Variants in ETV1 observed in about 807,000 individuals in gnomAD.
The protein encoded by ETV1 is ETS variant transcription factor 1.
ETV1 carries 27 observed loss-of-function variants against 62.3 expected under a neutral mutation model. The observed-to-expected ratio is 0.43, with a 90% CI of 0.32 to 0.60. The LOEUF (loss-of-function observed/expected upper bound fraction) is 0.60. Ranked by LOEUF, ETV1 falls within the 20% of genes least tolerant of loss-of-function variation. The pLI, the probability that ETV1 is intolerant of heterozygous loss-of-function variation, is 0.06. For synonymous variants in ETV1, 222 were observed against 199.6 expected, an observed-to-expected ratio of 1.11 and a Z score of -0.94; for missense variants, 605 against 605.8, an observed-to-expected ratio of 1.00 and a Z score of 0.01.
Position 13,910,225 on chromosome 7 carries a change from T to TC in ETV1, c.872-526dup, listed in dbSNP as rs968587561. Among the ~76,000 whole-genome samples the TC allele has an allele frequency of 5.8e-5, 7 of 120,598 alleles. No homozygotes were observed. In the South Asian group the frequency reaches 8.7e-4, roughly 15 times the overall value. 79.1% of individuals were successfully genotyped at this position (120,598 alleles called of 152,430 possible). A position where few individuals can be genotyped will look rare whatever the true frequency, so the allele number is the denominator to read the frequency against. On this transcript the variant is annotated intron_variant, in intron 10 of 13. Transcript: ENST00000430479. ...GCAAGATAAGAGGAAAAAAAAAGTT[T>TC]CCCTTTTTTTTTTTTTTTTTTTGCT... is the stretch of plus-strand genomic sequence containing the variant.
chr7:13,941,912 A>T (rs1787565632), intron 6 of ETV1, among the ~76,000 whole-genome samples: 1 of 150,418 alleles, frequency 6.6e-6, no homozygotes, highest in Non-Finnish European at 1.5e-5. Flanking sequence ...TAAATAAAGT[A>T]AGAAAATTGT....
At chr7:13,896,621 T>A (rs553237908) in intron 13 of ETV1, among the ~76,000 whole-genome samples, 1 of 150,132 alleles carries the variant, frequency 6.7e-6, no homozygotes, top group African/African-American at 2.5e-5. Flanking sequence ...ATGGATTCTT[T>A]ACTTTTTTTC....
At chr7:13,939,682 T>A (rs981415552) in intron 6 of ETV1, among the ~76,000 whole-genome samples, 1 of 152,194 alleles carries the variant, frequency 6.6e-6, no homozygotes, top group Non-Finnish European at 1.5e-5. Flanking sequence ...GCATCAATAA[T>A]AATAGTTTAA....
At chr7:13,963,327 C>T (rs889701430) in intron 6 of ETV1, among the ~76,000 whole-genome samples, 1 of 151,926 alleles carries the variant, frequency 6.6e-6, no homozygotes, top group Non-Finnish European at 1.5e-5. Flanking sequence ...ATTTAACCAA[C>T]AGGACAAGCT....
intron 12 of ETV1, among the ~76,000 whole-genome samples, chr7:13,901,604 T>C (rs149264693): frequency 2.8e-4 from 42 of 152,316 alleles, no homozygotes; most frequent in African/African-American, 8.9e-4. Flanking sequence ...CCCTGCTCAA[T>C]ACTATATGAA....
intron 6 of ETV1, among the ~76,000 whole-genome samples, chr7:13,970,425 T>C (rs1478966101): frequency 6.6e-6 from 1 of 152,100 alleles, no homozygotes; most frequent in African/African-American, 2.4e-5. Context: ...CGAGAAGGTA[T>C]GCAACTAGTC....
intron 6 of ETV1, among the ~76,000 whole-genome samples, chr7:13,965,086 G>A (rs1358798230): frequency 2.0e-5 from 3 of 152,018 alleles, no homozygotes; most frequent in African/African-American, 4.8e-5. Context: ...ATTCCCAAAC[G>A]GCTGTTCTCC....
At chr7:13,955,830 C>G (rs1438104917) in intron 6 of ETV1, among the ~76,000 whole-genome samples, 16 of 151,230 alleles carry the variant, frequency 1.1e-4, no homozygotes, top group Admixed American at 1.0e-3. Context: ...TTTCTTAAAA[C>G]ACTCATTTTT....
At chr7:13,900,170 G>A (rs2128405338) in intron 13 of ETV1, among the ~76,000 whole-genome samples, 1 of 152,080 alleles carries the variant, frequency 6.6e-6, no homozygotes, top group South Asian at 2.1e-4. Flanking sequence ...AAATATTATG[G>A]GAAGCTCATT....
chr7:13,930,016 C>G (rs1785904159), intron 9 of ETV1, among the ~76,000 whole-genome samples: 1 of 152,160 alleles, frequency 6.6e-6, no homozygotes, highest in Admixed American at 6.5e-5. Context: ...GGACGCAATA[C>G]TCCCTTCATA....
At chr7:13,902,985 G>C (rs1047478476) in intron 12 of ETV1, among the ~76,000 whole-genome samples, 6 of 152,160 alleles carry the variant, frequency 3.9e-5, no homozygotes, top group African/African-American at 9.6e-5. Flanking sequence ...ATATGCTTAA[G>C]AGATGCAGAC....
Position 13,959,190 on chromosome 7 carries a change from A to C in ETV1, c.235+18237T>G, listed in dbSNP as rs186751341. On this transcript the variant is annotated intron_variant, in intron 6 of 13. Coordinates refer to ENST00000430479, the MANE Select transcript of ETV1 (RefSeq NM_004956.5). ...TCTATTTTATCCTCCTTACACATCTATAGTATCCTCACTCTTCAAAGCCCC... is the reference window on the plus strand; with the variant it reads ...TCTATTTTATCCTCCTTACACATCTCTAGTATCCTCACTCTTCAAAGCCCC... 7 of 152,254 alleles carry C rather than the reference A, an allele frequency of 4.6e-5. No homozygotes were observed. In the East Asian group the frequency reaches 1.2e-3, roughly 25 times the overall value. The allele number at this position is 152,254 out of a possible 1,614,324, so 9.4% of individuals were successfully genotyped here.
intron 6 of ETV1, among the ~76,000 whole-genome samples, chr7:13,940,343 C>G (rs1240704078): frequency 6.9e-6 from 1 of 144,118 alleles, no homozygotes; most frequent in African/African-American, 2.6e-5. Context: ...GCCTGGGCAA[C>G]AGAGCGAGAC....
intron 13 of ETV1, 84 bp from the exon 14 acceptor site, chr7:13,896,171 T>G (rs1389000636): frequency 8.9e-7 from 1 of 1,118,606 alleles, no homozygotes; most frequent in African/African-American, 1.6e-5. Context: ...AAAACGTGGT[T>G]TAATATACAG....
At chr7:13,942,316 C>T (rs1399387671) in intron 6 of ETV1, among the ~76,000 whole-genome samples, 1 of 151,766 alleles carries the variant, frequency 6.6e-6, no homozygotes, top group East Asian at 1.9e-4. Context: ...AGCCACCGTG[C>T]CCGGCCTCTT....
chr7:13,960,700 G>A (rs1417719108), intron 6 of ETV1, among the ~76,000 whole-genome samples: 1 of 152,022 alleles, frequency 6.6e-6, no homozygotes, highest in Non-Finnish European at 1.5e-5. Flanking sequence ...TTTTACCTCA[G>A]TGCCAAATTC....
intron 6 of ETV1, among the ~76,000 whole-genome samples, chr7:13,942,119 G>T (rs1787613623): frequency 6.7e-6 from 1 of 149,064 alleles, no homozygotes; most frequent in Non-Finnish European, 1.5e-5. Context: ...CACCTCCCGG[G>T]TTCACGCCAT....
At chr7:13,977,973 T>C (rs1214546369) in intron 5 of ETV1, among the ~76,000 whole-genome samples, 2 of 152,160 alleles carry the variant, frequency 1.3e-5, no homozygotes, top group African/African-American at 4.8e-5. Flanking sequence ...AAATACACCA[T>C]ATTTTAAGAT....
chr7:13,989,121 G>A lies in ETV1; in HGVS notation c.-69C>T. On this transcript the variant is annotated 5_prime_UTR_variant, in exon 3 of 14. Coordinates refer to ENST00000430479, the MANE Select transcript of ETV1 (RefSeq NM_004956.5). ...AGCATTTAGCTGGAGATTTCCTCAG[G>A]ATCTGGACTTCTATCAACCTAGAGG... The A allele has an allele frequency of 2.2e-6, 3 of 1,357,016 alleles. No individual in the cohort carries two copies. Among genetic ancestry groups the A allele is most frequent in the Non-Finnish European group, 2.1e-6 (2 of 969,596 alleles). 84.1% of individuals were successfully genotyped at this position (1,357,016 alleles called of 1,614,324 possible).
Sources: gnomAD v4.1 joint callset for allele counts (sites outside exome capture counted in the v4.1 genomes callset) on GRCh38, gnomAD v4.1.1 for gene constraint, MANE v1.5 for transcripts, NCBI Gene and HGNC (gene_info 2026-07-23, HGNC 2026-07-21) for gene names.